Variants in BEND3 observed in about 807,000 individuals in gnomAD.
The protein encoded by BEND3 is BEN domain-containing protein 3.
In BEND3, 13 loss-of-function variants were observed where a neutral mutation model predicts 60.1. The observed-to-expected ratio is 0.22, with a 90% confidence interval of 0.14 to 0.34. The LOEUF (loss-of-function observed/expected upper bound fraction) is 0.34. Among genes scored for constraint, BEND3 ranks in the 10% least tolerant of loss-of-function variants. The pLI is 1.00. For synonymous variants in BEND3, 497 were observed against 491.5 expected, an observed-to-expected ratio of 1.01 and a Z score of -0.15; for missense variants, 896 against 1,138.1, an observed-to-expected ratio of 0.79 and a Z score of 3.06.
Position 107,098,581 on chromosome 6 carries a change from G to A in BEND3, c.210C>T (p.Pro70=), listed in dbSNP as rs782639825. Residue 70 remains proline, a synonymous_variant, in exon 3 of 4, where the codon CCC becomes CCT. Coordinates refer to ENST00000369042, the MANE Select transcript of BEND3 (RefSeq NM_001367314.1). ...LVSDGLLDSV[P]GVKRRRLIPE... is the part of the protein sequence containing the mutation. Reference sequence around the variant, plus strand: ...GGATCAGCCGCCTCCTCTTCACGCCGGGGACAGAGTCTAGCAGGCCATCGC... The same window carrying A: ...GGATCAGCCGCCTCCTCTTCACGCCAGGGACAGAGTCTAGCAGGCCATCGC... 24 of 1,613,254 alleles carry A rather than the reference G, an allele frequency of 1.5e-5. No homozygotes were observed. Among genetic ancestry groups the A allele is most frequent in the Admixed American group, 8.3e-5 (5 of 60,012 alleles).
Position 107,084,381 on chromosome 6 carries a change from A to G in BEND3, c.241-13431T>C, listed in dbSNP as rs183808767. ...GTTTCTGGGTCAGGTAGGGATTTGG[A>G]GAACTTTTCTGTCTAGCTAGAGGAT... On this transcript the variant is annotated intron_variant, in intron 3 of 3. Coordinates refer to ENST00000369042, the MANE Select transcript of BEND3 (RefSeq NM_001367314.1). 6.6e-5 allele frequency among the ~76,000 whole-genome samples: 10 copies of G among 152,376 alleles called. No homozygotes were observed. In the East Asian group the frequency reaches 1.9e-3, roughly 29 times the overall value.
At chr6:107,085,571 T>G (rs149712794) in intron 3 of BEND3, among the ~76,000 whole-genome samples, 2,345 of 150,526 alleles carry the variant, frequency 0.016, 50 homozygotes, top group African/African-American at 0.053. Flanking sequence ...GGCTCACTGC[T>G]AGCTCTGCCT....
chr6:107,112,119 G>C (rs1554238504), intron 1 of BEND3, among the ~76,000 whole-genome samples: 1 of 152,128 alleles, frequency 6.6e-6, no homozygotes. Flanking sequence ...TATACAATTT[G>C]AGGTCTTTAA....
chr6:107,105,856 A>C (rs1214275728), intron 1 of BEND3, among the ~76,000 whole-genome samples: 1 of 152,176 alleles, frequency 6.6e-6, no homozygotes, highest in African/African-American at 2.4e-5. Context: ...CCTTACCCCT[A>C]AGAGCTGTTT....
intron 1 of BEND3, 40 bp from the exon 2 acceptor site, chr6:107,099,336 T>C: frequency 6.4e-7 from 1 of 1,552,244 alleles, no homozygotes; most frequent in Non-Finnish European, 8.8e-7. Flanking sequence ...ACTTATTGCT[T>C]GATTTATTTC....
chr6:107,094,804 G>A (rs1028252092), intron 3 of BEND3, among the ~76,000 whole-genome samples: 5 of 145,160 alleles, frequency 3.4e-5, no homozygotes, highest in Non-Finnish European at 6.0e-5. Flanking sequence ...ACAGTGAGCT[G>A]ACTATGTCAC....
chr6:107,079,038 C>T (rs1554233159), intron 3 of BEND3, among the ~76,000 whole-genome samples: 1 of 152,022 alleles, frequency 6.6e-6, no homozygotes, highest in Non-Finnish European at 1.5e-5. Flanking sequence ...GGCACACAAG[C>T]AGCTGGATGT....
chr6:107,068,620 C>T lies in BEND3; in HGVS notation c.*84G>A, dbSNP rs1252005182. On this transcript the variant is annotated 3_prime_UTR_variant, in exon 4 of 4. Coordinates refer to ENST00000369042, the MANE Select transcript of BEND3 (RefSeq NM_001367314.1). This position sits in a 1 kb window ranked among gnomAD's most constrained non-coding sequence, Gnocchi z 5.8. The stretch of plus-strand genomic sequence containing the variant: ...GGTGCCTGTCTGTGGATGCCATAGG[C>T]GTGCTCCCAAGTATTGCTCAGTCCC... The T allele has an allele frequency of 7.5e-6, 11 of 1,460,430 alleles. No homozygotes were observed. Among genetic ancestry groups the T allele is most frequent in the East Asian group, 2.3e-5 (1 of 43,936 alleles). 90.5% of individuals were successfully genotyped at this position (1,460,430 alleles called of 1,614,324 possible).
At chr6:107,104,344 A>G (rs1252047886) in intron 1 of BEND3, among the ~76,000 whole-genome samples, 1 of 151,472 alleles carries the variant, frequency 6.6e-6, no homozygotes, top group Non-Finnish European at 1.5e-5. Context: ...GGCTGGAAAG[A>G]GTTACACACT....
intron 3 of BEND3, among the ~76,000 whole-genome samples, chr6:107,092,144 C>T (rs1459845967): frequency 6.6e-6 from 1 of 151,954 alleles, no homozygotes; most frequent in Non-Finnish European, 1.5e-5. Flanking sequence ...GTAGTCTCAG[C>T]TACTCGGGAG....
At chr6:107,111,437 G>A (rs1409135708) in intron 1 of BEND3, among the ~76,000 whole-genome samples, 2 of 151,980 alleles carry the variant, frequency 1.3e-5, no homozygotes, top group African/African-American at 2.4e-5. Context: ...CTTGAACCCA[G>A]GAGGCGTAGG....
intron 1 of BEND3, among the ~76,000 whole-genome samples, chr6:107,113,614 C>T (rs1244373182): frequency 2.0e-5 from 3 of 152,022 alleles, no homozygotes; most frequent in Admixed American, 6.6e-5. Flanking sequence ...ACGCACTGAA[C>T]GCCTACTAAG....
Position 107,065,309 on chromosome 6 carries a change from G to C in BEND3, c.*3395C>G, listed in dbSNP as rs1774803763. 6.6e-6 allele frequency: 1 copy of C among 152,518 alleles called. No homozygotes were observed. Among genetic ancestry groups the C allele is most frequent in the Non-Finnish European group, 1.5e-5 (1 of 68,024 alleles). The allele number at this position is 152,518 out of a possible 1,614,324, so 9.4% of individuals were successfully genotyped here. A position where few individuals can be genotyped will look rare whatever the true frequency, so the allele number is the denominator to read the frequency against. On this transcript the variant is annotated 3_prime_UTR_variant, in exon 4 of 4. Transcript: ENST00000369042. ...GTTTTTGTTACATTCAGTTTCCTAA[G>C]GATGCACTCCAATCTATGGTAAAAT...
intron 2 of BEND3, 80 bp downstream of exon 2, chr6:107,099,169 T>C: frequency 8.4e-7 from 1 of 1,194,414 alleles, no homozygotes; most frequent in Non-Finnish European, 1.2e-6. Flanking sequence ...ACTTTGTATA[T>C]TTTTGGACCA....
At chr6:107,072,565 G>A (rs1554232207) in intron 3 of BEND3, among the ~76,000 whole-genome samples, 1 of 152,206 alleles carries the variant, frequency 6.6e-6, no homozygotes, top group Non-Finnish European at 1.5e-5. Flanking sequence ...TCAGAAGCGA[G>A]GCTTCGTACA....
At chr6:107,105,807 C>T (rs1775801614) in intron 1 of BEND3, among the ~76,000 whole-genome samples, 1 of 152,156 alleles carries the variant, frequency 6.6e-6, no homozygotes, top group Non-Finnish European at 1.5e-5. Flanking sequence ...AGACCTGGCC[C>T]CAGCAGCCCT....
chr6:107,092,663 T>TG (rs71012769), intron 3 of BEND3, among the ~76,000 whole-genome samples: 137,172 of 151,874 alleles, frequency 0.9, 62,019 homozygotes, highest in East Asian at 0.95. Flanking sequence ...AAAGGTATAC[T>TG]ATCGCGAAGG....
At chr6:107,114,622 C>CCGCCGAGCGCGAG (rs1554239008) in intron 1 of BEND3, among the ~76,000 whole-genome samples, 4 of 150,144 alleles carry the variant, frequency 2.7e-5, no homozygotes, top group Admixed American at 1.3e-4. Flanking sequence ...CGCCAAAGCC[C>CCGCCGAGCGCGAG]CGCCGAGCGC....
chr6:107,108,483 T>A (rs1052921954), intron 1 of BEND3, among the ~76,000 whole-genome samples: 7 of 152,150 alleles, frequency 4.6e-5, no homozygotes, highest in Non-Finnish European at 8.8e-5. Flanking sequence ...GTGACTAATT[T>A]TCCTAGGAGG....
Sources: gnomAD v4.1 joint callset for allele counts (sites outside exome capture counted in the v4.1 genomes callset) on GRCh38, gnomAD v4.1.1 for gene constraint, Gnocchi (gnomAD v3.1) non-coding constraint, MANE v1.5 for transcripts, NCBI Gene and HGNC (gene_info 2026-07-23, HGNC 2026-07-21) for gene names.